Variants in NRXN1 observed in about 807,000 individuals in gnomAD.
The protein encoded by NRXN1 is neurexin 1, also known as neurexin-1.
In NRXN1, 39 loss-of-function variants were observed where a neutral mutation model predicts 150.9. The ratio of observed to expected loss-of-function variants is 0.26; its 90% CI spans 0.20 to 0.34. The LOEUF is 0.34. NRXN1 is among the 10% of genes least tolerant of loss of function. The pLI is 1.00. For synonymous variants in NRXN1, 924 were observed against 757.0 expected (o/e 1.22, Z -3.62); for missense variants, 1,815 against 1,949.9 (o/e 0.93, Z 1.30).
chr2:50,386,442 C>T (rs1007937289), intron 17 of NRXN1, among the ~76,000 whole-genome samples: 4 of 151,820 alleles, frequency 2.6e-5, no homozygotes, highest in African/African-American at 9.7e-5. Context: ...GTAATTTCAA[C>T]TAATGAGTCT....
At chr2:50,233,948 T>C (rs2065188964) in intron 18 of NRXN1, among the ~76,000 whole-genome samples, 2 of 152,100 alleles carry the variant, frequency 1.3e-5, no homozygotes, top group African/African-American at 4.8e-5. Context: ...GTTCTGCTTC[T>C]ATCACCCCCA....
intron 5 of NRXN1, chr2:50,917,265 T>C (rs1431337503): frequency 1.3e-5 from 2 of 151,634 alleles, no homozygotes; most frequent in Admixed American, 6.6e-5. Context: ...TGAAACTAAA[T>C]GAGGAAATAC....
At chr2:50,698,575 T>A (rs1423131714) in intron 5 of NRXN1, among the ~76,000 whole-genome samples, 1 of 152,230 alleles carries the variant, frequency 6.6e-6, no homozygotes, top group Non-Finnish European at 1.5e-5. Context: ...TCTCAGTCAA[T>A]TCTCAATAGA....
intron 20 of NRXN1, 71 bp downstream of exon 20, chr2:50,054,884 G>T: frequency 1.0e-6 from 1 of 968,288 alleles, no homozygotes; most frequent in Non-Finnish European, 1.5e-6. Context: ...GTTTATTAGT[G>T]TTACAATGAA....
chr2:50,695,913 G>T (rs1692766909), intron 5 of NRXN1, among the ~76,000 whole-genome samples: 1 of 147,744 alleles, frequency 6.8e-6, no homozygotes, highest in African/African-American at 2.5e-5. Flanking sequence ...CACAATCTTG[G>T]CTCACTGCAA....
At chr2:50,881,257 T>C in intron 5 of NRXN1, among the ~76,000 whole-genome samples, 1 of 151,964 alleles carries the variant, frequency 6.6e-6, no homozygotes, top group Non-Finnish European at 1.5e-5. Flanking sequence ...TCCTGTTTTC[T>C]TTAGCAATCT....
chr2:50,183,972 C>T (rs928162317), intron 18 of NRXN1, among the ~76,000 whole-genome samples: 2 of 151,874 alleles, frequency 1.3e-5, no homozygotes, highest in Non-Finnish European at 1.5e-5. Context: ...CAAGTACATT[C>T]GCACTGATGT....
At chr2:50,754,904 C>T (rs1028817704) in intron 5 of NRXN1, among the ~76,000 whole-genome samples, 2 of 151,860 alleles carry the variant, frequency 1.3e-5, no homozygotes, top group African/African-American at 4.8e-5. Context: ...GAACACAAGA[C>T]ATTTTTAAAA....
At chr2:49,967,970 C>A (rs1270389351) in intron 21 of NRXN1, among the ~76,000 whole-genome samples, 5 of 151,882 alleles carry the variant, frequency 3.3e-5, no homozygotes, top group Admixed American at 2.6e-4. Context: ...AATTCTTCAC[C>A]ATATTTTAAG....
intron 5 of NRXN1, among the ~76,000 whole-genome samples, chr2:50,740,091 A>C (rs1699251906): frequency 6.6e-6 from 1 of 152,182 alleles, no homozygotes; most frequent in African/African-American, 2.4e-5. Flanking sequence ...TTAAATTCTA[A>C]GTAGCTTTAA....
intron 5 of NRXN1, among the ~76,000 whole-genome samples, chr2:50,915,284 A>G (rs779379721): frequency 1.3e-5 from 2 of 151,682 alleles, no homozygotes; most frequent in African/African-American, 2.4e-5. Context: ...AGTCTCAACT[A>G]TATATCATTC....
chr2:50,336,092 T>C (rs1465628084), intron 17 of NRXN1, among the ~76,000 whole-genome samples: 1 of 152,216 alleles, frequency 6.6e-6, no homozygotes, highest in Non-Finnish European at 1.5e-5. Flanking sequence ...GTCAGATAGT[T>C]AGTAGACGCA....
intron 17 of NRXN1, among the ~76,000 whole-genome samples, chr2:50,370,560 AAT>A (rs2153019227): frequency 6.6e-6 from 1 of 152,122 alleles, no homozygotes; most frequent in African/African-American, 2.4e-5. Flanking sequence ...CTAGCTAGTA[AAT>A]ACCTTGAGGG....
intron 18 of NRXN1, chr2:50,174,981 C>A (rs1029007128): frequency 2.6e-5 from 4 of 152,174 alleles, no homozygotes; most frequent in Non-Finnish European, 5.9e-5. Context: ...GACCTCTCAA[C>A]AAGCCTGTAA....
chr2:50,209,479 G>A (rs1298806006), intron 18 of NRXN1, among the ~76,000 whole-genome samples: 3 of 152,064 alleles, frequency 2.0e-5, no homozygotes, highest in Non-Finnish European at 4.4e-5. Context: ...GAAGACTGAG[G>A]TTGAGGAATT....
At chr2:50,794,591 A>G (rs891916075) in intron 5 of NRXN1, among the ~76,000 whole-genome samples, 2 of 152,160 alleles carry the variant, frequency 1.3e-5, no homozygotes, top group South Asian at 4.1e-4. Flanking sequence ...AAAAAAATCA[A>G]TTAAACACAA....
At chr2:50,446,761 T>C (rs981345113) in intron 17 of NRXN1, among the ~76,000 whole-genome samples, 1 of 152,062 alleles carries the variant, frequency 6.6e-6, no homozygotes, top group African/African-American at 2.4e-5. Flanking sequence ...TCATAGGTGA[T>C]TTTATTTTGT....
chr2:50,396,626 T>A (rs142024676), intron 17 of NRXN1, among the ~76,000 whole-genome samples: 303 of 152,244 alleles, frequency 2.0e-3, no homozygotes, highest in African/African-American at 6.9e-3. Flanking sequence ...TGCTTTGCTC[T>A]AGTGATTCCT....
intron 5 of NRXN1, among the ~76,000 whole-genome samples, chr2:50,624,645 A>G (rs1254285209): frequency 6.6e-6 from 1 of 152,008 alleles, no homozygotes; most frequent in Non-Finnish European, 1.5e-5. Flanking sequence ...GGGAGTAGTG[A>G]TAGAAAGTCT....
Sources: gnomAD v4.1 joint callset for allele counts (sites outside exome capture counted in the v4.1 genomes callset) on GRCh38, gnomAD v4.1.1 for gene constraint, MANE v1.5 for transcripts, NCBI Gene and HGNC (gene_info 2026-07-23, HGNC 2026-07-21) for gene names.